The following PDE4D variants were observed in gnomAD, a reference collection of about 807,000 sequenced individuals.
PDE4D encodes 3',5'-cyclic-AMP phosphodiesterase 4D.
In PDE4D, 24 loss-of-function variants were observed where a neutral mutation model predicts 87.4. The ratio of observed to expected loss-of-function variants is 0.27; its 90% CI spans 0.20 to 0.39. The LOEUF (loss-of-function observed/expected upper bound fraction) is 0.39, where lower values mean the gene tolerates loss of function less well. PDE4D is among the 10% of genes least tolerant of loss of function. PDE4D has a pLI of 1.00. For synonymous variants in PDE4D, 384 were observed against 383.2 expected (o/e 1.00, Z -0.02); for missense variants, 714 against 1,041.0 (o/e 0.69, Z 4.32).
intron 1 of PDE4D, among the ~76,000 whole-genome samples, chr5:59,699,343 AT>A (rs1327682683): frequency 1.3e-5 from 2 of 152,196 alleles, no homozygotes; most frequent in South Asian, 2.1e-4. Flanking sequence ...TACGTCAACA[AT>A]TAAAAGAAAA....
At position 59,080,387 on chromosome 5, in the gene PDE4D, T is replaced by A. The variant is rs1159865617; in HGVS notation, c.809-41416A>T. ...GAATCGTGCTGAATGGATGACTACATAATGGCCTGCTCCTAGAGTTCTTAA... is the reference window on the plus strand; with the variant it reads ...GAATCGTGCTGAATGGATGACTACAAAATGGCCTGCTCCTAGAGTTCTTAA... On this transcript the variant is annotated intron_variant, in intron 5 of 14. Coordinates refer to ENST00000340635, the MANE Select transcript of PDE4D (RefSeq NM_001104631.2). Among the ~76,000 whole-genome samples the A allele has an allele frequency of 2.6e-5, 4 of 152,312 alleles. No homozygotes were observed. The East Asian group carries it at 7.7e-4, about 29-fold the overall frequency.
At chr5:60,110,429 A>G (rs1480649176) in intron 2 of PDE4D, among the ~76,000 whole-genome samples, 1 of 152,136 alleles carries the variant, frequency 6.6e-6, no homozygotes, top group Non-Finnish European at 1.5e-5. Flanking sequence ...GCTGAACATC[A>G]CTAATCATCA....
At chr5:59,862,720 A>G (rs1746459761) in intron 1 of PDE4D, among the ~76,000 whole-genome samples, 2 of 152,342 alleles carry the variant, frequency 1.3e-5, no homozygotes, top group African/African-American at 4.8e-5. Context: ...TCCCAGCTCA[A>G]TAACTAGCAG....
intron 1 of PDE4D, among the ~76,000 whole-genome samples, chr5:60,450,605 C>A (rs1230902727): frequency 4.6e-5 from 7 of 152,002 alleles, no homozygotes; most frequent in Admixed American, 1.3e-4. Flanking sequence ...TACTTTATAT[C>A]AAAATAAATT....
rs1554116652 is a variant in PDE4D at position 59,933,791 on chromosome 5, T to TAA, written c.272+54696_272+54697insTT. ...AAGGAGATATATATATATATATATA[T>TAA]TAATAAGCATTCATATAAAAGATAA... On this transcript the variant is annotated intron_variant, in intron 3 of 16. Coordinates refer to the PDE4D transcript ENST00000502484. Among the ~76,000 whole-genome samples, 226 of 101,572 alleles carry TAA rather than the reference T, an allele frequency of 2.2e-3. 1 individual carries two copies. The highest frequency in any genetic ancestry group is 3.0e-3 in the Non-Finnish European group (148 of 48,974). 66.6% of individuals were successfully genotyped at this position (101,572 alleles called of 152,430 possible). A position where few individuals can be genotyped will look rare whatever the true frequency, so the allele number is the denominator to read the frequency against.
At chr5:59,456,972 T>C (rs2153644328) in intron 1 of PDE4D, among the ~76,000 whole-genome samples, 1 of 152,280 alleles carries the variant, frequency 6.6e-6, no homozygotes, top group South Asian at 2.1e-4. Flanking sequence ...CAAGATGAAA[T>C]CTACTAATGG....
chr5:59,315,576 C>A, intron 1 of PDE4D, among the ~76,000 whole-genome samples: 1 of 152,034 alleles, frequency 6.6e-6, no homozygotes, highest in East Asian at 1.9e-4. Context: ...GTCAGGTGGC[C>A]TCTTCAGGAA....
At chr5:59,776,801 C>T (rs1200821444) in intron 1 of PDE4D, among the ~76,000 whole-genome samples, 6 of 151,760 alleles carry the variant, frequency 4.0e-5, no homozygotes, top group Non-Finnish European at 8.8e-5. Context: ...TCTCCACTCA[C>T]ATTTCACAAA....
chr5:59,297,356 C>T (rs1255981805), intron 1 of PDE4D, among the ~76,000 whole-genome samples: 5 of 152,130 alleles, frequency 3.3e-5, no homozygotes, highest in Non-Finnish European at 7.3e-5. Context: ...ATTAAATCTA[C>T]TATCTATTTA....
In PDE4D at chr5:59,768,600, G is replaced by C. The variant is rs1259442650; in HGVS notation, c.455+124568C>G. 9.6e-6 allele frequency: 15 copies of C among 1,555,988 alleles called. 1 individual carries two copies. The South Asian group carries it at 1.8e-4, about 19-fold the overall frequency. On this transcript the variant is annotated intron_variant, in intron 1 of 14. Transcript: ENST00000340635. ...CGGAAATGTCCAGGGAAGCAGGTCT[G>C]AGCCTGCTGCTGTTAGTGCATTCAG...
chr5:59,885,854 T>A (rs2152749386), intron 1 of PDE4D, among the ~76,000 whole-genome samples: 1 of 152,282 alleles, frequency 6.6e-6, no homozygotes, highest in East Asian at 1.9e-4. Flanking sequence ...ACTCACAGTA[T>A]CTCTTGTTTC....
At chr5:59,810,515 T>C (rs1283630366) in intron 1 of PDE4D, among the ~76,000 whole-genome samples, 2 of 152,204 alleles carry the variant, frequency 1.3e-5, no homozygotes, top group Non-Finnish European at 2.9e-5. Context: ...GCAGTAGAAA[T>C]AGAAAACCTC....
At chr5:59,900,805 A>G (rs930887941) in intron 3 of PDE4D, among the ~76,000 whole-genome samples, 1 of 152,216 alleles carries the variant, frequency 6.6e-6, no homozygotes, top group Non-Finnish European at 1.5e-5. Context: ...AATGTAAAAG[A>G]GATCATGAAA....
chr5:59,178,082 G>A (rs1784174921), intron 5 of PDE4D, among the ~76,000 whole-genome samples: 1 of 152,126 alleles, frequency 6.6e-6, no homozygotes, highest in African/African-American at 2.4e-5. Context: ...CCTTTTCTGA[G>A]TGTCTCAAAT....
At chr5:59,204,393 C>T (rs1748269998) in intron 2 of PDE4D, among the ~76,000 whole-genome samples, 1 of 152,154 alleles carries the variant, frequency 6.6e-6, no homozygotes, top group African/African-American at 2.4e-5. Context: ...AGAGAAAATA[C>T]ATGATGCCAA....
At chr5:59,936,656 C>T (rs531714510) in intron 3 of PDE4D, among the ~76,000 whole-genome samples, 1 of 152,290 alleles carries the variant, frequency 6.6e-6, no homozygotes, top group East Asian at 1.9e-4. Flanking sequence ...CTCACTCTCC[C>T]ATCTTTCAGT....
chr5:59,769,597 G>A (rs1286807411), intron 1 of PDE4D, among the ~76,000 whole-genome samples: 3 of 152,130 alleles, frequency 2.0e-5, no homozygotes, highest in Non-Finnish European at 4.4e-5. Flanking sequence ...TGGAAAAAAA[G>A]TAAAAATGTT....
At chr5:59,007,613 G>A (rs1368471569) in intron 6 of PDE4D, among the ~76,000 whole-genome samples, 2 of 151,970 alleles carry the variant, frequency 1.3e-5, no homozygotes, top group African/African-American at 2.4e-5. Flanking sequence ...TGAAAACATC[G>A]TTAGTGCCAG....
chr5:60,301,437 C>A (rs191066990), intron 1 of PDE4D, among the ~76,000 whole-genome samples: 28 of 152,252 alleles, frequency 1.8e-4, no homozygotes, highest in Admixed American at 9.2e-4. Context: ...CCCTTGCTAG[C>A]TGTATTCCTA....
Sources: allele counts gnomAD v4.1 joint callset (sites outside exome capture counted in the v4.1 genomes callset), GRCh38; gene constraint gnomAD v4.1.1; transcripts MANE v1.5; gene names NCBI Gene and HGNC (gene_info 2026-07-23, HGNC 2026-07-21).